Variants in CMC1 observed in about 807,000 individuals in gnomAD.
CMC1 encodes C-X9-C motif containing 1.
In CMC1, 14 loss-of-function variants were observed where a neutral mutation model predicts 14.1. That is an observed-to-expected ratio of 0.99 (90% CI 0.66 to 1.55). The LOEUF (loss-of-function observed/expected upper bound fraction) is 1.55, where lower values mean the gene tolerates loss of function less well. CMC1 is among the 40% of genes most tolerant of loss of function. The probability of loss-of-function intolerance (pLI) is 0.00; values close to 1 mark genes in which losing one functional copy is unlikely to be tolerated. For synonymous variants in CMC1, 50 were observed against 38.4 expected (o/e 1.30, Z -1.12); for missense variants, 127 against 123.8 (o/e 1.03, Z -0.12).
chr3:28,285,910 G>A (rs760367891), intron 2 of CMC1, among the ~76,000 whole-genome samples: 7 of 151,768 alleles, frequency 4.6e-5, no homozygotes, highest in African/African-American at 1.5e-4. Context: ...GGGACTACGC[G>A]CCTGCCACCA....
intron 1 of CMC1, among the ~76,000 whole-genome samples, chr3:28,243,446 A>T (rs781062465): frequency 3.9e-5 from 6 of 152,216 alleles, no homozygotes; most frequent in Non-Finnish European, 8.8e-5. Context: ...AGATTTCCAT[A>T]TATCTACACT....
chr3:28,256,515 G>T (rs1202346154), intron 1 of CMC1, among the ~76,000 whole-genome samples: 2 of 152,104 alleles, frequency 1.3e-5, no homozygotes, highest in Admixed American at 6.6e-5. Context: ...ATAACTGGGG[G>T]CTATAACCCA....
chr3:28,279,446 A>G (rs935078767), intron 2 of CMC1, among the ~76,000 whole-genome samples: 4 of 152,232 alleles, frequency 2.6e-5, no homozygotes, highest in Admixed American at 2.6e-4. Flanking sequence ...GTGTACACAG[A>G]AACAAGAAGA....
chr3:28,309,923 TCCTCCAC>T (rs1702545764), intron 2 of CMC1, among the ~76,000 whole-genome samples: 1 of 134,180 alleles, frequency 7.5e-6, no homozygotes, highest in African/African-American at 2.9e-5. Flanking sequence ...ATGCCTTTTC[TCCTCCAC>T]CTGACGTCCA....
chr3:28,324,662 T>C lies in CMC1; in HGVS notation c.*5033T>C, dbSNP rs1559454887. ...CAGCAATTTACTGTGACTTTAGATATTTGTCTCTTAGCTGCTCCTGATGTC... is the reference window on the plus strand; with the variant it reads ...CAGCAATTTACTGTGACTTTAGATACTTGTCTCTTAGCTGCTCCTGATGTC... On this transcript the variant is annotated 3_prime_UTR_variant, in exon 4 of 4. Transcript: ENST00000466830. The C allele has an allele frequency of 9.7e-6, 4 of 413,192 alleles. No homozygotes were observed. Among genetic ancestry groups the C allele is most frequent in the Non-Finnish European group, 1.3e-5 (3 of 237,316 alleles). The allele number at this position is 413,192 out of a possible 1,614,324, so 25.6% of individuals were successfully genotyped here.
chr3:28,315,930 T>C (rs560857905), intron 2 of CMC1: 2 of 154,920 alleles, frequency 1.3e-5, no homozygotes, highest in South Asian at 2.0e-4. Context: ...TGCCAAATGA[T>C]GCATTTCTCA....
chr3:28,267,860 A>T (rs1298099427), intron 2 of CMC1, among the ~76,000 whole-genome samples: 1 of 152,218 alleles, frequency 6.6e-6, no homozygotes, highest in Non-Finnish European at 1.5e-5. Context: ...GACTATATAC[A>T]TGGTCAAAGT....
rs554390681 is a variant in CMC1, at chr3:28,316,500, G to C, written c.200+77G>C. 8.0e-6 allele frequency: 6 copies of C among 748,038 alleles called. No individual in the cohort carries two copies. In the Admixed American group the frequency reaches 1.5e-4, roughly 19 times the overall value. The allele number at this position is 748,038 out of a possible 1,614,324, so 46.3% of individuals were successfully genotyped here. A position where few individuals can be genotyped will look rare whatever the true frequency, so the allele number is the denominator to read the frequency against. On this transcript the variant is annotated intron_variant, in intron 3 of 3. Transcript: ENST00000466830. Reference sequence around the variant, plus strand: ...GAGTATGTTACTTAACTCATTACATGTAATATATTCTGTACCTCTCCATAC... The same window carrying C: ...GAGTATGTTACTTAACTCATTACATCTAATATATTCTGTACCTCTCCATAC...
intron 1 of CMC1, among the ~76,000 whole-genome samples, chr3:28,252,480 A>T (rs765666456): frequency 6.6e-6 from 1 of 152,232 alleles, no homozygotes; most frequent in South Asian, 2.1e-4. Flanking sequence ...CAGCCAGCTG[A>T]CAAATTGCTC....
At chr3:28,268,634 G>A (rs948880475) in intron 2 of CMC1, among the ~76,000 whole-genome samples, 6 of 152,172 alleles carry the variant, frequency 3.9e-5, no homozygotes, top group Non-Finnish European at 4.4e-5. Flanking sequence ...CCCAAGATCC[G>A]AGTTCTCCGA....
chr3:28,293,687 T>C (rs1007468423), intron 2 of CMC1, among the ~76,000 whole-genome samples: 9 of 151,894 alleles, frequency 5.9e-5, no homozygotes, highest in African/African-American at 2.2e-4. Flanking sequence ...ATTCAAGTGG[T>C]TTTTCTGCCT....
chr3:28,299,903 T>C (rs1014505292), intron 2 of CMC1, among the ~76,000 whole-genome samples: 1 of 152,124 alleles, frequency 6.6e-6, no homozygotes, highest in African/African-American at 2.4e-5. Context: ...GACAGCAATA[T>C]CATAAGTGTT....
chr3:28,253,784 A>AT (rs1699258477), intron 1 of CMC1: 1 of 1,240,992 alleles, frequency 8.1e-7, no homozygotes, highest in Non-Finnish European at 1.1e-6. Context: ...TAACTAGTAA[A>AT]TTTTTTAAAA....
At chr3:28,288,278 T>TGA (rs1268460246) in intron 2 of CMC1, among the ~76,000 whole-genome samples, 8 of 152,234 alleles carry the variant, frequency 5.3e-5, no homozygotes, top group Non-Finnish European at 8.8e-5. Flanking sequence ...GAGTTTACCT[T>TGA]TATCATAAAG....
At chr3:28,318,630 A>G (rs535025261) in intron 3 of CMC1, 1 of 152,030 alleles carries the variant, frequency 6.6e-6, no homozygotes, top group Admixed American at 6.6e-5. Context: ...TGAATTATAC[A>G]GTAGTCTAGT....
At chr3:28,314,065 A>G (rs777817776) in intron 2 of CMC1, among the ~76,000 whole-genome samples, 6 of 152,198 alleles carry the variant, frequency 3.9e-5, no homozygotes, top group African/African-American at 4.8e-5. Context: ...CATTACCACT[A>G]TTGAACATGG....
intron 2 of CMC1, among the ~76,000 whole-genome samples, chr3:28,268,131 C>T (rs1700100210): frequency 6.6e-6 from 1 of 152,172 alleles, no homozygotes; most frequent in South Asian, 2.1e-4. Flanking sequence ...ATATAAGGCA[C>T]AGTTTCTGCA....
chr3:28,297,739 G>T (rs1278354698), intron 2 of CMC1, among the ~76,000 whole-genome samples: 1 of 151,996 alleles, frequency 6.6e-6, no homozygotes, highest in Non-Finnish European at 1.5e-5. Context: ...TAGAAAAAAG[G>T]TAAATCCTCA....
At chr3:28,268,250 G>T (rs531613196) in intron 2 of CMC1, among the ~76,000 whole-genome samples, 1 of 152,204 alleles carries the variant, frequency 6.6e-6, no homozygotes, top group South Asian at 2.1e-4. Context: ...ATAGCTAAAG[G>T]TTATTACAGC....
Sources: gnomAD v4.1 joint callset for allele counts (sites outside exome capture counted in the v4.1 genomes callset) on GRCh38, gnomAD v4.1.1 for gene constraint, MANE v1.5 for transcripts, NCBI Gene and HGNC (gene_info 2026-07-23, HGNC 2026-07-21) for gene names.